Variants in FSIP2 observed in about 807,000 individuals in gnomAD.
FSIP2 encodes fibrous sheath-interacting protein 2.
FSIP2 carries 367 observed loss-of-function variants against 510.5 expected under a neutral mutation model. The ratio of observed to expected loss-of-function variants is 0.72; its 90% confidence interval spans 0.66 to 0.78. FSIP2 has a LOEUF of 0.78. Among genes scored for constraint, FSIP2 ranks in the 30% least tolerant of loss-of-function variants. The pLI is 0.00. For synonymous variants in FSIP2, 2,601 were observed against 2,732.2 expected, an observed-to-expected ratio of 0.95 and a Z score of 1.50; for missense variants, 7,594 against 7,901.7, an observed-to-expected ratio of 0.96 and a Z score of 1.48.
chr2:185,831,717 T>C, intron 21 of FSIP2, 96 bp from the exon 22 acceptor site: 1 of 764,682 alleles, frequency 1.3e-6, no homozygotes, highest in South Asian at 1.4e-5. Flanking sequence ...TGTAGTGGTA[T>C]TTATAGGTAT....
Position 185,790,625 on chromosome 2 carries a change from C to T in FSIP2, c.3489C>T (p.Ile1163=). ...ACCAGATGTTTTCTGTTTCAGAAATCAGTACAGTGGCTCAAGAAATAACAG... is the reference window on the plus strand; with the variant it reads ...ACCAGATGTTTTCTGTTTCAGAAATTAGTACAGTGGCTCAAGAAATAACAG... ...WIDQMFSVSE[I]STVAQEITDS... The change falls in exon 16 of 23, where the codon ATC becomes ATT. Residue 1163 remains isoleucine, a synonymous_variant. Transcript: ENST00000424728. 6.5e-7 allele frequency: 1 copy of T among 1,533,972 alleles called. No homozygotes were observed. Among genetic ancestry groups the T allele is most frequent in the Non-Finnish European group, 8.7e-7 (1 of 1,145,422 alleles).
chr2:185,795,058 C>T lies in FSIP2; in HGVS notation c.7922C>T (p.Thr2641Ile). The change falls in exon 16 of 23, where the codon ACA (threonine) becomes ATA (isoleucine). Residue 2641 changes from threonine to isoleucine, a missense_variant. By Grantham distance (89) the Thr-to-Ile change is moderately conservative. Transcript: ENST00000424728. The part of the protein sequence containing the change: ...DLIQMVLNKI[T>I]NFVSLPLKVS... ...ATTCAAATGGTTCTCAATAAGATCA[C>T]AAATTTTGTCTCACTTCCTTTAAAG... The T allele has an allele frequency of 6.5e-7, 1 of 1,534,658 alleles. No individual in the cohort carries two copies. Among genetic ancestry groups the T allele is most frequent in the Non-Finnish European group, 8.7e-7 (1 of 1,145,988 alleles).
At chr2:185,798,300 CTTGTT>C (rs1559030931) in intron 16 of FSIP2, among the ~76,000 whole-genome samples, 1 of 151,804 alleles carries the variant, frequency 6.6e-6, no homozygotes, top group Non-Finnish European at 1.5e-5. Flanking sequence ...AATTGAATAT[CTTGTT>C]TTATTTGCAT....
chr2:185,805,155 C>T lies in FSIP2; in HGVS notation c.15849C>T (p.Asp5283=). The T allele has an allele frequency of 3.7e-6, 6 of 1,609,784 alleles. No homozygotes were observed. The highest frequency in any genetic ancestry group is 5.1e-6 in the Non-Finnish European group (6 of 1,177,614). Residue 5283 remains aspartate, a synonymous_variant, in exon 17 of 23, where the codon GAC becomes GAT. Coordinates refer to ENST00000424728, the MANE Select transcript of FSIP2 (RefSeq NM_173651.4). ...SATFLEDIII[D]LVHKFCSLLI... ...CATTTTTGGAAGACATAATCATTGA[C>T]CTTGTTCACAAATTTTGTTCTCTCC...
chr2:185,794,795 A>C lies in FSIP2; in HGVS notation c.7659A>C (p.Val2553=). The change falls in exon 16 of 23, where the codon GTA becomes GTC. Residue 2553 remains valine, a synonymous_variant. Coordinates refer to ENST00000424728, the MANE Select transcript of FSIP2 (RefSeq NM_173651.4). ...GTGTTTTGGGGAAAATGTACTTGGT[A>C]GTTGTGACATCATTATATGAAAATA... The part of the protein sequence containing the change: ...VESVLGKMYL[V]VVTSLYENNK... 1 of 1,533,748 alleles carries C rather than the reference A, an allele frequency of 6.5e-7. No homozygotes were observed. Among genetic ancestry groups the C allele is most frequent in the Non-Finnish European group, 8.7e-7 (1 of 1,145,250 alleles).
chr2:185,757,260 A>T (rs1169149626), intron 9 of FSIP2, among the ~76,000 whole-genome samples: 2 of 151,500 alleles, frequency 1.3e-5, no homozygotes, highest in African/African-American at 4.8e-5. Context: ...AAAGAACCTC[A>T]GTGACATTTC....
At chr2:185,767,695 A>G (rs1354464224) in intron 13 of FSIP2, among the ~76,000 whole-genome samples, 4 of 152,072 alleles carry the variant, frequency 2.6e-5, no homozygotes, top group South Asian at 2.1e-4. Flanking sequence ...GTGTTTATTT[A>G]TACATCTACT....
rs1261953190 is a variant in FSIP2, at chr2:185,793,786, C to T, written c.6650C>T (p.Ser2217Leu). The stretch of plus-strand genomic sequence containing the variant: ...AGAAAAACAGAGCGTTTTTCATATT[C>T]AAGAAATCAGAAATCAGCTTATGCT... Reference protein sequence around the residue: ...TERKTERFSYSRNQKSAYADD... With the variant: ...TERKTERFSYLRNQKSAYADD... The change falls in exon 16 of 23, where the codon TCA becomes TTA. Residue 2217 changes from serine to leucine, a missense_variant. Ser to Leu is a moderately radical substitution (Grantham distance 145). Coordinates refer to ENST00000424728, the MANE Select transcript of FSIP2 (RefSeq NM_173651.4). The T allele has an allele frequency of 2.0e-6, 3 of 1,532,230 alleles. No homozygotes were observed. Among genetic ancestry groups the T allele is most frequent in the African/African-American group, 2.8e-5 (2 of 72,638 alleles). 94.9% of individuals were successfully genotyped at this position (1,532,230 alleles called of 1,614,324 possible). A position where few individuals can be genotyped will look rare whatever the true frequency, so the allele number is the denominator to read the frequency against.
At chr2:185,747,984 A>T (rs927192415) in intron 7 of FSIP2, among the ~76,000 whole-genome samples, 1 of 152,116 alleles carries the variant, frequency 6.6e-6, no homozygotes, top group Non-Finnish European at 1.5e-5. Flanking sequence ...CATGTAATAA[A>T]ATGCCATTGT....
rs555073366 is a variant in FSIP2, at chr2:185,781,868, T to C, written c.1412-837T>C. ...CTTTTTTTTTTTTGAGACGGAGTCT[T>C]GCTCTGTCACCCAGGCTGGAGTGCA... On this transcript the variant is annotated intron_variant, in intron 13 of 22. Coordinates refer to ENST00000424728, the MANE Select transcript of FSIP2 (RefSeq NM_173651.4). Among the ~76,000 whole-genome samples, 667 of 152,072 alleles carry C rather than the reference T, an allele frequency of 4.4e-3. 1 individual carries two copies. Among genetic ancestry groups the C allele is most frequent in the Non-Finnish European group, 7.4e-3 (505 of 67,926 alleles).
rs1382003856 is a variant in FSIP2 at position 185,807,054 on chromosome 2, T to G, written c.17748T>G (p.Val5916=). ...TTGACAAAACATTGGTCAATAAAGTTGTTCACTCCTCTGTTTGTAATATTT... is the reference window on the plus strand; with the variant it reads ...TTGACAAAACATTGGTCAATAAAGTGGTTCACTCCTCTGTTTGTAATATTT... ...PSIDKTLVNK[V]VHSSVCNILN... is the part of the protein sequence containing the mutation. Residue 5916 remains valine, a synonymous_variant, in exon 17 of 23, where the codon GTT becomes GTG. Coordinates refer to ENST00000424728, the MANE Select transcript of FSIP2 (RefSeq NM_173651.4). 3 of 1,592,426 alleles carry G rather than the reference T, an allele frequency of 1.9e-6. No individual in the cohort carries two copies. The East Asian group carries it at 6.7e-5, about 36-fold the overall frequency.
intron 7 of FSIP2, among the ~76,000 whole-genome samples, chr2:185,748,888 ACATT>A (rs1322275579): frequency 2.0e-5 from 3 of 152,072 alleles, no homozygotes; most frequent in African/African-American, 7.2e-5. Context: ...GTGTTTCATT[ACATT>A]ATTATGTCAT....
chr2:185,803,544 T>C lies in FSIP2; in HGVS notation c.14238T>C (p.Asp4746=). The C allele has an allele frequency of 1.3e-6, 2 of 1,533,226 alleles. No individual in the cohort carries two copies. Among genetic ancestry groups the C allele is most frequent in the South Asian group, 1.2e-5 (1 of 83,936 alleles). The allele number at this position is 1,533,226 out of a possible 1,614,324, so 95.0% of individuals were successfully genotyped here. The change falls in exon 17 of 23, where the codon GAT becomes GAC. Residue 4746 remains aspartate, a synonymous_variant. Transcript: ENST00000424728. ...AEIFDFQIHP[D]LIANLPFKSH... ...TTTTTGATTTCCAAATTCATCCAGATCTTATAGCAAATCTGCCTTTTAAAT... is the reference window on the plus strand; with the variant it reads ...TTTTTGATTTCCAAATTCATCCAGACCTTATAGCAAATCTGCCTTTTAAAT...
In FSIP2 at chr2:185,808,597, C is replaced by G; in HGVS notation, c.19291C>G (p.Gln6431Glu). 6.2e-7 allele frequency: 1 copy of G among 1,607,334 alleles called. No homozygotes were observed. Residue 6431 changes from glutamine to glutamate, a missense_variant, in exon 17 of 23, where the codon CAA (glutamine) becomes GAA (glutamate). Physicochemically the swap from Gln to Glu is conservative, Grantham distance 29. Coordinates refer to ENST00000424728, the MANE Select transcript of FSIP2 (RefSeq NM_173651.4). ...VVDSVYSNIL[Q>E]QSGTNKEFYY... ...CGATTCCGTTTATAGTAACATACTGCAACAATCAGGAACCAACAAAGAATT... is the reference window on the plus strand; with the variant it reads ...CGATTCCGTTTATAGTAACATACTGGAACAATCAGGAACCAACAAAGAATT...
chr2:185,790,583 A>C lies in FSIP2; in HGVS notation c.3447A>C (p.Ser1149=), dbSNP rs1444975318. Residue 1149 remains serine (S), a synonymous_variant, in exon 16 of 23, where the codon TCA becomes TCC. Transcript: ENST00000424728. ...VLVSEKPQGL[S]HQEWIDQMFS... is the part of the protein sequence containing the mutation. ...TTTCAGAAAAGCCTCAAGGACTGTC[A>C]CATCAAGAATGGATAGACCAGATGT... The C allele has an allele frequency of 1.3e-6, 2 of 1,533,864 alleles. No homozygotes were observed. The highest frequency in any genetic ancestry group is 1.7e-6 in the Non-Finnish European group (2 of 1,145,488).
intron 20 of FSIP2, among the ~76,000 whole-genome samples, chr2:185,827,275 C>G (rs2105687502): frequency 6.6e-6 from 1 of 151,610 alleles, no homozygotes; most frequent in South Asian, 2.1e-4. Flanking sequence ...TTTTTAGAAC[C>G]CATATTGGCC....
rs765502570 is a variant in FSIP2, at chr2:185,807,167, T to C, written c.17861T>C (p.Ile5954Thr). The part of the protein sequence containing the change: ...NLARRLTSAV[I>T]NEIFQRQVNL... ...GCAAGAAGACTAACTAGTGCAGTGA[T>C]AAATGAAATTTTCCAACGTCAGGTT... The change falls in exon 17 of 23, where the codon ATA becomes ACA. Residue 5954 changes from isoleucine to threonine, a missense_variant. Physicochemically the swap from Ile to Thr is moderately conservative, Grantham distance 89. Transcript: ENST00000424728. The C allele has an allele frequency of 6.2e-7, 1 of 1,602,220 alleles. No homozygotes were observed. The highest frequency in any genetic ancestry group is 8.5e-7 in the Non-Finnish European group (1 of 1,176,014).
rs1175348922 is a variant in FSIP2 at position 185,761,022 on chromosome 2, T to C, written c.1113T>C (p.Asn371=). The stretch of plus-strand genomic sequence containing the variant: ...CAAATGCTGCTCATCAGCGTCAAAA[T>C]AGTTCAAATAATTTTACGAAAAAAA... ...HTANAAHQRQ[N]SSNNFTKKNS... is the part of the protein sequence containing the mutation. The change falls in exon 10 of 23, where the codon AAT becomes AAC. Residue 371 remains asparagine, a synonymous_variant. Transcript: ENST00000424728. 9 of 1,503,670 alleles carry C rather than the reference T, an allele frequency of 6.0e-6. No individual in the cohort carries two copies. The highest frequency in any genetic ancestry group is 1.4e-5 in the African/African-American group (1 of 71,588). The allele number at this position is 1,503,670 out of a possible 1,614,324, so 93.1% of individuals were successfully genotyped here. A position where few individuals can be genotyped will look rare whatever the true frequency, so the allele number is the denominator to read the frequency against.
chr2:185,772,941 A>G (rs1692637336), intron 13 of FSIP2, among the ~76,000 whole-genome samples: 1 of 151,708 alleles, frequency 6.6e-6, no homozygotes, highest in Non-Finnish European at 1.5e-5. Flanking sequence ...GCTCACTGTA[A>G]TCTCCACATC....
Sources: allele counts gnomAD v4.1 joint callset (sites outside exome capture counted in the v4.1 genomes callset), GRCh38; gene constraint gnomAD v4.1.1; transcripts MANE v1.5; gene names NCBI Gene and HGNC (gene_info 2026-07-23, HGNC 2026-07-21).